F11: variants seen among roughly 807,000 people sequenced by gnomAD.
F11 encodes coagualtion factor XI.
A neutral mutation model predicts 76.5 loss-of-function variants in F11; 78 were observed. The observed-to-expected ratio is 1.02, with a 90% CI of 0.85 to 1.23. The LOEUF (loss-of-function observed/expected upper bound fraction) is 1.23, where lower values mean the gene tolerates loss of function less well. Ranked by LOEUF, F11 falls within the 50% of genes most tolerant of loss-of-function variation. The pLI is 0.00. For missense variants in F11, 742 were observed against 771.4 expected (o/e 0.96, Z 0.45); for synonymous variants, 278 against 276.3 (o/e 1.01, Z -0.06).
At chr4:186,286,929 A>T (rs1741247529) in intron 13 of F11, among the ~76,000 whole-genome samples, 1 of 152,190 alleles carries the variant, frequency 6.6e-6, no homozygotes, top group Non-Finnish European at 1.5e-5. Context: ...TCTGTGAAGT[A>T]AATCTAACAT....
chr4:186,268,171 CAG>C (rs1210694071), intron 2 of F11, among the ~76,000 whole-genome samples: 2 of 152,124 alleles, frequency 1.3e-5, no homozygotes, highest in Non-Finnish European at 2.9e-5. Flanking sequence ...TCAACATGTG[CAG>C]AGTTTTTTCT....
In F11 at chr4:186,287,708, A is replaced by G; in HGVS notation, c.1601A>G (p.Lys534Arg). The change falls in exon 14 of 15, where the codon AAA becomes AGA. Residue 534 changes from lysine to arginine, a missense_variant. By Grantham distance (26) the Lys-to-Arg change is conservative. Coordinates refer to ENST00000403665, the MANE Select transcript of F11 (RefSeq NM_000128.4). ...GACAAAATACAAAATACTCTCCAGA[A>G]AGCCAAGATACCCTTAGTGACCAAC... is the stretch of plus-strand genomic sequence containing the variant. ...LRDKIQNTLQKAKIPLVTNEE... is the reference protein window; with the variant it reads ...LRDKIQNTLQRAKIPLVTNEE... The G allele has an allele frequency of 6.2e-7, 1 of 1,613,312 alleles. No individual in the cohort carries two copies. Among genetic ancestry groups the G allele is most frequent in the Non-Finnish European group, 8.5e-7 (1 of 1,179,566 alleles).
chr4:186,288,800 C>A lies in F11; in HGVS notation c.*186C>A. 1.5e-6 allele frequency: 1 copy of A among 655,920 alleles called. No homozygotes were observed. Among genetic ancestry groups the A allele is most frequent in the African/African-American group, 1.8e-5 (1 of 55,408 alleles). The allele number at this position is 655,920 out of a possible 1,614,324, so 40.6% of individuals were successfully genotyped here. Reference sequence around the variant, plus strand: ...ATGTCCAAAACTCCCGTTCTATGATCGTTGTAGTTTGTTTGAGCATTCAGT... The same window carrying A: ...ATGTCCAAAACTCCCGTTCTATGATAGTTGTAGTTTGTTTGAGCATTCAGT... On this transcript the variant is annotated 3_prime_UTR_variant, in exon 15 of 15. Transcript: ENST00000403665.
intron 14 of F11, 141 bp downstream of exon 14, chr4:186,287,964 G>A (rs1490310978): frequency 5.2e-6 from 5 of 954,304 alleles, no homozygotes; most frequent in Non-Finnish European, 8.0e-6. Context: ...GAGTGCAGTG[G>A]CTCGATCTCA....
In F11 at chr4:186,284,119, T is replaced by C. The variant is rs1464865196; in HGVS notation, c.1163T>C (p.Ile388Thr). 2 of 1,614,190 alleles carry C rather than the reference T, an allele frequency of 1.2e-6. No individual in the cohort carries two copies. Among genetic ancestry groups the C allele is most frequent in the Non-Finnish European group, 1.7e-6 (2 of 1,180,040 alleles). ...NECTTKIKPR[I>T]VGGTASVRGE... ...TGTACCACCAAAATCAAGCCCAGGA[T>C]CGTTGGAGGAACTGCGTCTGTTCGT... is the stretch of plus-strand genomic sequence containing the variant. The change falls in exon 11 of 15, where the codon ATC becomes ACC. Residue 388 changes from isoleucine (I) to threonine (T), a missense_variant. Coordinates refer to ENST00000403665, the MANE Select transcript of F11 (RefSeq NM_000128.4).
chr4:186,285,714 T>C lies in F11; in HGVS notation c.1381T>C (p.Phe461Leu). Residue 461 changes from phenylalanine (F) to leucine (L), a missense_variant, in exon 12 of 15, where the codon TTT becomes CTT. Physicochemically the swap from Phe to Leu is conservative, Grantham distance 22 (BLOSUM62 0). Coordinates refer to ENST00000403665, the MANE Select transcript of F11 (RefSeq NM_000128.4). ...TGAAATAAAAGAGGACACATCTTTC[T>C]TTGGGGTTCAAGAAATAATAATCCA... ...QSEIKEDTSFFGVQEIIIHDQ... is the reference protein window; with the variant it reads ...QSEIKEDTSFLGVQEIIIHDQ... The C allele has an allele frequency of 1.2e-6, 2 of 1,614,126 alleles. No homozygotes were observed. Among genetic ancestry groups the C allele is most frequent in the Non-Finnish European group, 8.5e-7 (1 of 1,179,956 alleles).
chr4:186,269,242 G>C (rs1378155854), intron 2 of F11, among the ~76,000 whole-genome samples: 1 of 152,128 alleles, frequency 6.6e-6, no homozygotes. Flanking sequence ...TGTGACTTCG[G>C]GGTACATACC....
chr4:186,267,192 G>T lies in F11; in HGVS notation c.55+1G>T. 6.5e-7 allele frequency: 1 copy of T among 1,539,396 alleles called. No individual in the cohort carries two copies. The highest frequency in any genetic ancestry group is 9.0e-7 in the Non-Finnish European group (1 of 1,111,920). Reference sequence around the variant, plus strand: ...ATTTTATTTACTTCAGTTTCTGGTGGTAAGTAGAGTGTTATCTTAACTATG... The same window carrying T: ...ATTTTATTTACTTCAGTTTCTGGTGTTAAGTAGAGTGTTATCTTAACTATG... On this transcript the variant is annotated splice_donor_variant, in intron 2 of 14. Coordinates refer to ENST00000403665, the MANE Select transcript of F11 (RefSeq NM_000128.4). LOFTEE classifies it high-confidence loss of function.
intron 2 of F11, among the ~76,000 whole-genome samples, chr4:186,269,503 A>ACAAATACTG (rs1172953303): frequency 6.6e-6 from 1 of 152,228 alleles, no homozygotes; most frequent in Admixed American, 6.5e-5. Flanking sequence ...TCACAAAAGA[A>ACAAATACTG]CAAATACTGT....
chr4:186,269,102 CA>C (rs1444621043), intron 2 of F11, among the ~76,000 whole-genome samples: 4 of 152,036 alleles, frequency 2.6e-5, no homozygotes, highest in Non-Finnish European at 2.9e-5. Flanking sequence ...ATGTCCTAAA[CA>C]AAATATTATC....
intron 1 of F11, 144 bp from the exon 2 acceptor site, chr4:186,266,985 AAGAAAAT>A (rs1739549796): frequency 4.4e-6 from 2 of 449,814 alleles, no homozygotes; most frequent in Non-Finnish European, 7.8e-6. Context: ...AGGATTGGGA[AAGAAAAT>A]TCAACATTAT....
intron 11 of F11, among the ~76,000 whole-genome samples, chr4:186,284,839 G>T (rs1302936728): frequency 6.6e-6 from 1 of 152,110 alleles, no homozygotes; most frequent in African/African-American, 2.4e-5. Flanking sequence ...AGCACCAGCT[G>T]CTCAGAAGTC....
Position 186,280,214 on chromosome 4 carries a change from G to C in F11, c.866-9G>C, listed in dbSNP as rs200218867. 2 of 1,614,006 alleles carry C rather than the reference G, an allele frequency of 1.2e-6. No homozygotes were observed. The highest frequency in any genetic ancestry group is 1.3e-5 in the African/African-American group (1 of 74,914). ...AGGGTCTCACTCTGACATGTGGTCT[G>C]CTGTCTAGTGTTCTGCCATTCTTCA... is the stretch of plus-strand genomic sequence containing the variant. On this transcript the variant is annotated splice_polypyrimidine_tract_variant and intron_variant, in intron 8 of 14. Coordinates refer to ENST00000403665, the MANE Select transcript of F11 (RefSeq NM_000128.4).
chr4:186,278,866 A>G (rs543819161), intron 7 of F11, among the ~76,000 whole-genome samples: 93 of 152,208 alleles, frequency 6.1e-4, no homozygotes, highest in Non-Finnish European at 1.1e-3. Context: ...GAGGGAAGAA[A>G]GTAGGTCCAA....
chr4:186,267,638 C>T (rs1182062066), intron 2 of F11, among the ~76,000 whole-genome samples: 1 of 152,064 alleles, frequency 6.6e-6, no homozygotes, highest in African/African-American at 2.4e-5. Context: ...AATTCTCCAC[C>T]CTATGTCACA....
At position 186,289,187 on chromosome 4, in the gene F11, C is replaced by T. The variant is rs374761318; in HGVS notation, c.*573C>T. ...ATTAAAAAAAATCAGTTCGAGTAGACACGAGCTAAGAGTGAATGTGAAGAT... is the reference window on the plus strand; with the variant it reads ...ATTAAAAAAAATCAGTTCGAGTAGATACGAGCTAAGAGTGAATGTGAAGAT... On this transcript the variant is annotated 3_prime_UTR_variant, in exon 15 of 15. Transcript: ENST00000403665. Among the ~76,000 whole-genome samples the T allele has an allele frequency of 4.6e-5, 7 of 152,154 alleles. No homozygotes were observed. Among genetic ancestry groups the T allele is most frequent in the Admixed American group, 1.3e-4 (2 of 15,288 alleles).
rs1740716583 is a variant in F11 at position 186,280,467 on chromosome 4, A to G, written c.1029-7A>G. On this transcript the variant is annotated splice_region_variant and splice_polypyrimidine_tract_variant and intron_variant, in intron 9 of 14. Coordinates refer to ENST00000403665, the MANE Select transcript of F11 (RefSeq NM_000128.4). ...TTATGTTTATACCGTTTTGTTTCCA[A>G]CTGCAGGGGCAAGTGTTACTTAAAG... The G allele has an allele frequency of 6.2e-7, 1 of 1,614,124 alleles. No individual in the cohort carries two copies. The highest frequency in any genetic ancestry group is 8.5e-7 in the Non-Finnish European group (1 of 1,180,008).
Position 186,267,157 on chromosome 4 carries a change from G to A in F11, c.21G>A (p.Val7=). 6.3e-7 allele frequency: 1 copy of A among 1,580,818 alleles called. No homozygotes were observed. The highest frequency in any genetic ancestry group is 8.7e-7 in the Non-Finnish European group (1 of 1,149,802). The change falls in exon 2 of 15, where the codon GTG becomes GTA. Residue 7 remains valine, a synonymous_variant. Coordinates refer to ENST00000403665, the MANE Select transcript of F11 (RefSeq NM_000128.4). ...GTAGGATGATTTTCTTATATCAAGT[G>A]GTACATTTCATTTTATTTACTTCAG... The part of the protein sequence containing the change: MIFLYQ[V]VHFILFTSVS...
rs771824285 is a variant in F11 at position 186,289,559 on chromosome 4, A to AT, written c.*949dup. Among the ~76,000 whole-genome samples, 4 of 151,970 alleles carry AT rather than the reference A, an allele frequency of 2.6e-5. No individual in the cohort carries two copies. Among genetic ancestry groups the AT allele is most frequent in the Admixed American group, 6.6e-5 (1 of 15,254 alleles). On this transcript the variant is annotated 3_prime_UTR_variant, in exon 15 of 15. Transcript: ENST00000403665. ...AGCTGCCTGTATTCTAAGCACTGGGATTTTCTGTTTCGTGCAAATATTTAT... is the reference window on the plus strand; with the variant it reads ...AGCTGCCTGTATTCTAAGCACTGGGATTTTTCTGTTTCGTGCAAATATTTAT...
Sources: allele counts gnomAD v4.1 joint callset (sites outside exome capture counted in the v4.1 genomes callset), GRCh38; gene constraint gnomAD v4.1.1; transcripts MANE v1.5; gene names NCBI Gene and HGNC (gene_info 2026-07-23, HGNC 2026-07-21).